DPP6: variants seen among roughly 807,000 people sequenced by gnomAD.
DPP6 encodes the protein A-type potassium channel modulatory protein DPP6.
A neutral mutation model predicts 122.6 loss-of-function variants in DPP6; 69 were observed. The observed-to-expected ratio is 0.56, with a 90% CI of 0.46 to 0.69. The LOEUF is 0.69. Ranked by LOEUF, DPP6 falls within the 30% of genes least tolerant of loss-of-function variation. DPP6 has a pLI of 0.00. For missense variants in DPP6, 928 were observed against 1,116.9 expected (o/e 0.83, Z 2.41); for synonymous variants, 418 against 433.1 (o/e 0.97, Z 0.43).
intron 8 of DPP6, among the ~76,000 whole-genome samples, chr7:154,737,295 A>G (rs1842613624): frequency 1.3e-5 from 2 of 152,198 alleles, no homozygotes; most frequent in Non-Finnish European, 1.5e-5. Flanking sequence ...CCCTTCTTCA[A>G]TCAGATACCA....
chr7:154,774,409 G>T (rs1796440487), intron 10 of DPP6, among the ~76,000 whole-genome samples: 2 of 152,154 alleles, frequency 1.3e-5, no homozygotes, highest in African/African-American at 4.8e-5. Context: ...GAATTAATAT[G>T]GAAAGTCACC....
intron 1 of DPP6, among the ~76,000 whole-genome samples, chr7:154,191,499 G>C (rs1338020368): frequency 6.6e-6 from 1 of 152,120 alleles, no homozygotes; most frequent in Non-Finnish European, 1.5e-5. Context: ...AAAAAATGTT[G>C]GTTTCCCTTT....
intron 7 of DPP6, among the ~76,000 whole-genome samples, chr7:154,697,336 TCTC>T (rs1217982919): frequency 6.6e-6 from 1 of 152,126 alleles, no homozygotes; most frequent in Non-Finnish European, 1.5e-5. Context: ...TTGCTCCTGT[TCTC>T]CTCCTCCCCT....
intron 1 of DPP6, among the ~76,000 whole-genome samples, chr7:154,145,115 GATTTGGTTATA>G (rs1279843409): frequency 5.3e-5 from 8 of 152,180 alleles, no homozygotes; most frequent in African/African-American, 1.4e-4. Context: ...GCTGCAATGG[GATTTGGTTATA>G]ATTAAGGTCC....
intron 1 of DPP6, among the ~76,000 whole-genome samples, chr7:154,256,909 G>C (rs78050251): frequency 0.049 from 7,453 of 152,124 alleles, 244 homozygotes; most frequent in East Asian, 0.13. Context: ...CTTTAGAGAG[G>C]TCAAGTGCAT....
the DPP6 span, among the ~76,000 whole-genome samples, chr7:153,785,392 C>A: frequency 6.6e-6 from 1 of 152,094 alleles, no homozygotes; most frequent in African/African-American, 2.4e-5. Context: ...CAAGGGGATC[C>A]AATACACATT....
At chr7:154,346,630 A>AC (rs994062958) in intron 1 of DPP6, among the ~76,000 whole-genome samples, 67 of 149,702 alleles carry the variant, frequency 4.5e-4, no homozygotes, top group South Asian at 6.4e-4. Flanking sequence ...TTTAATTGGG[A>AC]CCCCCCCTGT....
rs191444225 is a variant in DPP6, at chr7:154,331,161, C to G, written c.244-115053C>G. Among the ~76,000 whole-genome samples, 483 of 152,244 alleles carry G rather than the reference C, an allele frequency of 3.2e-3. 4 individuals are homozygous for G. The highest frequency in any genetic ancestry group is 0.011 in the African/African-American group (456 of 41,544). On this transcript the variant is annotated intron_variant, in intron 1 of 25. Coordinates refer to ENST00000377770, the MANE Select transcript of DPP6 (RefSeq NM_130797.4). Reference sequence around the variant, plus strand: ...TTTAGACCCCAAAGATACATGGGTACTCTAGGGATACTGTGTAAAGACTGG... The same window carrying G: ...TTTAGACCCCAAAGATACATGGGTAGTCTAGGGATACTGTGTAAAGACTGG...
chr7:153,763,504 G>A, the DPP6 span, among the ~76,000 whole-genome samples: 1 of 151,952 alleles, frequency 6.6e-6, no homozygotes, highest in Non-Finnish European at 1.5e-5. Flanking sequence ...CAGAAAAATA[G>A]AGGGTATCTA....
the DPP6 span, among the ~76,000 whole-genome samples, chr7:153,822,177 G>GA: frequency 8.5e-6 from 1 of 117,718 alleles, no homozygotes; most frequent in African/African-American, 3.0e-5. Context: ...GAAAGGGGGG[G>GA]AATCTTTTTT....
intron 5 of DPP6, among the ~76,000 whole-genome samples, chr7:154,600,235 C>A (rs1833351256): frequency 7.1e-6 from 1 of 140,160 alleles, no homozygotes; most frequent in South Asian, 2.6e-4. Context: ...TCAAGCGATT[C>A]TCCTGACTCA....
intron 16 of DPP6, among the ~76,000 whole-genome samples, chr7:154,843,749 A>T (rs1330535636): frequency 1.3e-5 from 2 of 152,226 alleles, no homozygotes; most frequent in East Asian, 3.8e-4. Flanking sequence ...TGAGATCCAG[A>T]TAAGGAAAGC....
chr7:154,834,744 A>G (rs77820901), intron 16 of DPP6, among the ~76,000 whole-genome samples: 4,996 of 152,288 alleles, frequency 0.033, 118 homozygotes, highest in Non-Finnish European at 0.054. Context: ...GCAAAGAAGT[A>G]AAGTTGAATG....
At position 154,277,410 on chromosome 7, in the gene DPP6, A is replaced by G. The variant is rs921839392; in HGVS notation, c.244-168804A>G. ...CCAAAGGTAATCTCCATTCGTACAC[A>G]AATAGAAGGAACAATTAGCTTGGGA... On this transcript the variant is annotated intron_variant, in intron 1 of 25. Transcript: ENST00000377770. 1.8e-4 allele frequency among the ~76,000 whole-genome samples: 27 copies of G among 152,236 alleles called. 1 individual carries two copies. Among genetic ancestry groups the G allele is most frequent in the Non-Finnish European group, 3.1e-4 (21 of 68,046 alleles).
intron 1 of DPP6, among the ~76,000 whole-genome samples, chr7:154,192,949 G>GTAAA (rs1468356466): frequency 6.6e-6 from 1 of 152,232 alleles, no homozygotes; most frequent in Non-Finnish European, 1.5e-5. Flanking sequence ...ATTTGAAATA[G>GTAAA]TAAACATGGA....
chr7:154,658,023 T>C (rs180755945), intron 6 of DPP6, among the ~76,000 whole-genome samples: 2 of 151,948 alleles, frequency 1.3e-5, no homozygotes, highest in Non-Finnish European at 1.5e-5. Flanking sequence ...CTTGCCAGGG[T>C]TTGGTGGGGT....
At chr7:154,025,408 T>TTTA (rs1409893081) in intron 1 of DPP6, among the ~76,000 whole-genome samples, 17 of 115,690 alleles carry the variant, frequency 1.5e-4, no homozygotes, top group Non-Finnish European at 3.5e-5. Flanking sequence ...GTAGACTGTG[T>TTTA]TTATGTAGCT....
rs1554498771 is a variant in DPP6 at position 154,241,185 on chromosome 7, A to ATGTGTGTGTGTG, written c.243+188146_243+188157dup. Among the ~76,000 whole-genome samples, 168 of 136,064 alleles carry ATGTGTGTGTGTG rather than the reference A, an allele frequency of 1.2e-3. 2 individuals are homozygous for ATGTGTGTGTGTG. Among genetic ancestry groups the ATGTGTGTGTGTG allele is most frequent in the African/African-American group, 2.9e-3 (105 of 35,772 alleles). 89.3% of individuals were successfully genotyped at this position (136,064 alleles called of 152,430 possible). Reference sequence around the variant, plus strand: ...GCACAGTAGGTAATTCAATATCAATATGTGTGTGTGTGTGTGTGTGTGTGT... The same window carrying ATGTGTGTGTGTG: ...GCACAGTAGGTAATTCAATATCAATATGTGTGTGTGTGTGTGTGTGTGTGTGTGTGTGTGTGT... On this transcript the variant is annotated intron_variant, in intron 1 of 25. Coordinates refer to ENST00000377770, the MANE Select transcript of DPP6 (RefSeq NM_130797.4). This position sits in a 1 kb window ranked among gnomAD's most constrained non-coding sequence, Gnocchi z 9.0.
chr7:153,920,858 CCTTT>C (rs1800607043), intron 1 of DPP6, among the ~76,000 whole-genome samples: 1 of 151,942 alleles, frequency 6.6e-6, no homozygotes, highest in African/African-American at 2.4e-5. Flanking sequence ...CGCGCCTGGC[CCTTT>C]CTTACACGTT....
Sources: allele counts gnomAD v4.1 joint callset (sites outside exome capture counted in the v4.1 genomes callset), GRCh38; gene constraint gnomAD v4.1.1; non-coding constraint Gnocchi (gnomAD v3.1); transcripts MANE v1.5; gene names NCBI Gene and HGNC (gene_info 2026-07-23, HGNC 2026-07-21).